The following MYO5C variants were observed in gnomAD, a reference collection of about 807,000 sequenced individuals.
MYO5C encodes myosin VC.
A neutral mutation model predicts 235.7 loss-of-function variants in MYO5C; 194 were observed. That is an observed-to-expected ratio of 0.82 (90% CI 0.73 to 0.93). MYO5C has a LOEUF of 0.93. Ranked by LOEUF, MYO5C falls within the 40% of genes least tolerant of loss-of-function variation. The probability of loss-of-function intolerance (pLI) is 0.00; values close to 1 mark genes in which losing one functional copy is unlikely to be tolerated. For missense variants in MYO5C, 2,038 were observed against 2,127.2 expected (o/e 0.96, Z 0.82); for synonymous variants, 707 against 754.8 (o/e 0.94, Z 1.04).
At chr15:52,244,801 G>A (rs182757255) in intron 18 of MYO5C, among the ~76,000 whole-genome samples, 3 of 152,306 alleles carry the variant, frequency 2.0e-5, no homozygotes, top group Non-Finnish European at 4.4e-5. Context: ...GTGAGAAGGG[G>A]AGTGAGTGTC....
chr15:52,218,974 G>T (rs901123799), intron 31 of MYO5C, among the ~76,000 whole-genome samples: 1 of 152,050 alleles, frequency 6.6e-6, no homozygotes, highest in African/African-American at 2.4e-5. Context: ...GGACATCCAC[G>T]CCCACCATAC....
intron 18 of MYO5C, 78 bp from the exon 19 acceptor site, chr15:52,244,645 G>C: frequency 1.0e-6 from 1 of 974,640 alleles, no homozygotes; most frequent in Non-Finnish European, 1.5e-6. Flanking sequence ...AAGAGCTTTA[G>C]GGATTCAAAG....
chr15:52,235,860 T>G, intron 22 of MYO5C, 97 bp from the exon 23 acceptor site: 1 of 746,202 alleles, frequency 1.3e-6, no homozygotes, highest in African/African-American at 1.8e-5. Context: ...ATTCTTAAAT[T>G]AGTTTATTTT....
At chr15:52,278,757 T>C in intron 4 of MYO5C, 116 bp downstream of exon 4, 1 of 1,214,064 alleles carries the variant, frequency 8.2e-7, no homozygotes, top group Non-Finnish European at 1.2e-6. Flanking sequence ...AAGCACCACC[T>C]CTGGCCTATC....
chr15:52,239,761 T>A lies in MYO5C; in HGVS notation c.2675A>T (p.Gln892Leu), dbSNP rs1596178617. Residue 892 changes from glutamine (Q) to leucine (L), a missense_variant, in exon 21 of 41, where the codon CAG becomes CTG. By Grantham distance (113) the Gln-to-Leu change is moderately radical. Coordinates refer to ENST00000261839, the MANE Select transcript of MYO5C (RefSeq NM_018728.4). The stretch of plus-strand genomic sequence containing the variant: ...ATCTTCCAACTTTTTCTGCAAACGC[T>A]GGACCCTGTAAGTAAGCTGAATATT... Reference protein sequence around the residue: ...VLNIQLTYRVQRLQKKLEDQN... With the variant: ...VLNIQLTYRVLRLQKKLEDQN... 6.2e-7 allele frequency: 1 copy of A among 1,611,658 alleles called. No homozygotes were observed.
intron 1 of MYO5C, among the ~76,000 whole-genome samples, chr15:52,291,293 C>T (rs2037383122): frequency 6.6e-6 from 1 of 152,170 alleles, no homozygotes; most frequent in African/African-American, 2.4e-5. Flanking sequence ...TGGAATGATG[C>T]TGTCAGAGAA....
In MYO5C at chr15:52,193,806, C is replaced by T. The variant is rs1168021345; in HGVS notation, c.*96G>A. 1.5e-6 allele frequency: 2 copies of T among 1,360,492 alleles called. No individual in the cohort carries two copies. The highest frequency in any genetic ancestry group is 3.0e-5 in the African/African-American group (2 of 67,462). The allele number at this position is 1,360,492 out of a possible 1,614,324, so 84.3% of individuals were successfully genotyped here. On this transcript the variant is annotated 3_prime_UTR_variant, in exon 41 of 41. Transcript: ENST00000261839. ...GAAAAGTCTGTTTTCTTCCTTAAAT[C>T]ACATTCCAATTTCCACTGCCAATTA...
intron 23 of MYO5C, among the ~76,000 whole-genome samples, chr15:52,234,121 T>C (rs1041574812): frequency 2.6e-5 from 4 of 152,248 alleles, no homozygotes; most frequent in Non-Finnish European, 5.9e-5. Flanking sequence ...GTGCTTACCA[T>C]CTTAGGCCAT....
At chr15:52,275,749 T>A (rs927139996) in intron 4 of MYO5C, 31 bp from the exon 5 acceptor site, 184 of 1,609,222 alleles carry the variant, frequency 1.1e-4, no homozygotes, top group Non-Finnish European at 1.5e-4. Flanking sequence ...CAAATATTAG[T>A]TTCTTCCCAT....
chr15:52,273,703 T>A (rs961187338), intron 5 of MYO5C, among the ~76,000 whole-genome samples: 11 of 152,108 alleles, frequency 7.2e-5, no homozygotes, highest in African/African-American at 2.7e-4. Context: ...TTGCGAGAAA[T>A]AAATTTCTGT....
intron 11 of MYO5C, among the ~76,000 whole-genome samples, chr15:52,254,918 T>C (rs2036549471): frequency 6.6e-6 from 1 of 151,762 alleles, no homozygotes; most frequent in African/African-American, 2.4e-5. Flanking sequence ...TAGTTATTAA[T>C]GTTAAACTTC....
At chr15:52,207,762 A>AT (rs1389324235) in intron 36 of MYO5C, among the ~76,000 whole-genome samples, 11 of 152,228 alleles carry the variant, frequency 7.2e-5, no homozygotes, top group Non-Finnish European at 1.3e-4. Flanking sequence ...TCCATATGAT[A>AT]TAAAGACCTC....
chr15:52,247,546 G>A lies in MYO5C; in HGVS notation c.1793C>T (p.Ser598Phe), dbSNP rs148211165. 8 of 1,614,210 alleles carry A rather than the reference G, an allele frequency of 5.0e-6. No homozygotes were observed. Among genetic ancestry groups the A allele is most frequent in the Non-Finnish European group, 6.8e-6 (8 of 1,180,024 alleles). Reference sequence around the variant, plus strand: ...AACTGTAATCATTGAACCAAAAGGAGAAGGAGGAGTTGGATTTTCTTGAAA... The same window carrying A: ...AACTGTAATCATTGAACCAAAAGGAAAAGGAGGAGTTGGATTTTCTTGAAA... ...NFFQENPTPP[S>F]PFGSMITVKS... is the part of the protein sequence containing the mutation. The change falls in exon 15 of 41, where the codon TCT (serine) becomes TTT (phenylalanine). Residue 598 changes from serine to phenylalanine, a missense_variant. Ser to Phe is a radical substitution (Grantham distance 155). Transcript: ENST00000261839.
At chr15:52,258,951 C>T (rs1160845444) in intron 10 of MYO5C, among the ~76,000 whole-genome samples, 2 of 152,160 alleles carry the variant, frequency 1.3e-5, no homozygotes, top group Non-Finnish European at 2.9e-5. Flanking sequence ...GCTCTGTCCC[C>T]ACCCTCTGCT....
Position 52,272,864 on chromosome 15 carries a change from A to C in MYO5C, c.607-141T>G, listed in dbSNP as rs8040494. On this transcript the variant is annotated intron_variant, in intron 5 of 40. Coordinates refer to ENST00000261839, the MANE Select transcript of MYO5C (RefSeq NM_018728.4). ...AGAGGGAAGTCTGGGGAAAGAAAGC[A>C]ACCCCACGCTGGCAGGGAACATGAC... 1,132 of 736,186 alleles carry C rather than the reference A, an allele frequency of 1.5e-3. 8 individuals carry two copies. The African/African-American group carries it at 0.019, about 12-fold the overall frequency. 45.6% of individuals were successfully genotyped at this position (736,186 alleles called of 1,614,324 possible).
At chr15:52,293,131 G>A (rs2037427490) in intron 1 of MYO5C, among the ~76,000 whole-genome samples, 1 of 152,212 alleles carries the variant, frequency 6.6e-6, no homozygotes, top group African/African-American at 2.4e-5. Context: ...CTTTTCAAAA[G>A]AGATGGATGA....
At chr15:52,273,143 A>AC (rs2140847006) in intron 5 of MYO5C, among the ~76,000 whole-genome samples, 1 of 151,830 alleles carries the variant, frequency 6.6e-6, no homozygotes, top group East Asian at 1.9e-4. Flanking sequence ...ACACAGTGAG[A>AC]CCCCCGTCTC....
chr15:52,216,378 A>T lies in MYO5C; in HGVS notation c.3955-1688T>A, dbSNP rs953552989. ...TACAGGCATGCACCACTATATATAT[A>T]TTTTTAAAGTTTTCCTTGTAGAGAT... On this transcript the variant is annotated intron_variant, in intron 32 of 40. Coordinates refer to ENST00000261839, the MANE Select transcript of MYO5C (RefSeq NM_018728.4). 3.8e-4 allele frequency among the ~76,000 whole-genome samples: 58 copies of T among 152,048 alleles called. 1 individual carries two copies. The highest frequency in any genetic ancestry group is 4.8e-5 in the African/African-American group (2 of 41,474).
chr15:52,294,716 ACT>A (rs1019185517), intron 1 of MYO5C, among the ~76,000 whole-genome samples: 48 of 151,774 alleles, frequency 3.2e-4, no homozygotes, highest in African/African-American at 1.0e-3. Context: ...AAGTGCTAAC[ACT>A]GTCACACTCT....
Sources: gnomAD v4.1 joint callset for allele counts (sites outside exome capture counted in the v4.1 genomes callset) on GRCh38, gnomAD v4.1.1 for gene constraint, MANE v1.5 for transcripts, NCBI Gene and HGNC (gene_info 2026-07-23, HGNC 2026-07-21) for gene names.